The following DRC9 variants were observed in gnomAD, a reference collection of about 807,000 sequenced individuals.
DRC9 encodes dynein regulatory complex protein 9.
chr3:197,898,033 G>A, the DRC9 span, among the ~76,000 whole-genome samples: 13,756 of 150,136 alleles, frequency 0.092, 696 homozygotes, highest in South Asian at 0.11. Flanking sequence ...CACCTGCCTC[G>A]GCCTCCCAAA....
the DRC9 span, among the ~76,000 whole-genome samples, chr3:197,937,696 T>A: frequency 6.6e-6 from 1 of 152,046 alleles, no homozygotes; most frequent in Non-Finnish European, 1.5e-5. Flanking sequence ...GCCAGGCTGG[T>A]CTTGAACTCC....
chr3:197,913,833 A>T, the DRC9 span: 1 of 1,575,308 alleles, frequency 6.3e-7, no homozygotes. Context: ...CAGGAGTGAC[A>T]GCTCAATTGC....
chr3:197,946,883 C>T, the DRC9 span, among the ~76,000 whole-genome samples: 3 of 152,064 alleles, frequency 2.0e-5, no homozygotes, highest in Admixed American at 6.6e-5. Flanking sequence ...AGTACGATGG[C>T]GCGATCTTGG....
At chr3:197,892,099 A>G in the DRC9 span, among the ~76,000 whole-genome samples, 23 of 152,248 alleles carry the variant, frequency 1.5e-4, no homozygotes, top group Non-Finnish European at 3.1e-4. Flanking sequence ...CATGTTACCC[A>G]GGCTGGTCTC....
At chr3:197,930,821 G>T in the DRC9 span, among the ~76,000 whole-genome samples, 1 of 151,346 alleles carries the variant, frequency 6.6e-6, no homozygotes, top group African/African-American at 2.4e-5. Context: ...GGATTACGAG[G>T]TCAAGAGATC....
the DRC9 span, among the ~76,000 whole-genome samples, chr3:197,896,305 T>C: frequency 1.2e-4 from 18 of 151,784 alleles, no homozygotes; most frequent in African/African-American, 4.4e-4. Context: ...ATCGCACCAT[T>C]GCACTCCAGC....
the DRC9 span, among the ~76,000 whole-genome samples, chr3:197,904,089 T>TATATATATATACATAC: frequency 1.6e-4 from 4 of 24,862 alleles, no homozygotes; most frequent in South Asian, 1.4e-3. Context: ...TATACATACA[T>TATATATATATACATAC]ATATATATAT....
At chr3:197,924,849 A>C in the DRC9 span, among the ~76,000 whole-genome samples, 2 of 152,166 alleles carry the variant, frequency 1.3e-5, no homozygotes, top group Non-Finnish European at 2.9e-5. Flanking sequence ...TGCTCCTAGA[A>C]AAGTTGTCAG....
At chr3:197,895,733 T>C in the DRC9 span, among the ~76,000 whole-genome samples, 1 of 151,996 alleles carries the variant, frequency 6.6e-6, no homozygotes, top group African/African-American at 2.4e-5. Flanking sequence ...GCCAGCACTT[T>C]GGGAGGCCGA....
At chr3:197,891,545 T>A in the DRC9 span, 20 of 1,550,094 alleles carry the variant, frequency 1.3e-5, no homozygotes, top group Middle Eastern at 1.7e-4. Flanking sequence ...CATACTCTCT[T>A]ATCTGCAAAG....
chr3:197,900,206 C>T, the DRC9 span, among the ~76,000 whole-genome samples: 3 of 152,176 alleles, frequency 2.0e-5, no homozygotes, highest in Non-Finnish European at 2.9e-5. The surrounding 1 kb of genome is among the most constrained non-coding windows in gnomAD (Gnocchi z 4.7). Context: ...AGGAGGACTA[C>T]GACCCTCTAC....
the DRC9 span, among the ~76,000 whole-genome samples, chr3:197,892,274 C>G: frequency 1.3e-5 from 2 of 152,206 alleles, no homozygotes; most frequent in Non-Finnish European, 2.9e-5. Flanking sequence ...GAAATCATCA[C>G]TGACTCTCTC....
At chr3:197,942,554 A>C in the DRC9 span, among the ~76,000 whole-genome samples, 114 of 152,016 alleles carry the variant, frequency 7.5e-4, no homozygotes, top group African/African-American at 2.5e-3. Context: ...AAAACAAACA[A>C]AATGAAAAAA....
At chr3:197,916,064 T>A in the DRC9 span, 3 of 152,298 alleles carry the variant, frequency 2.0e-5, no homozygotes, top group African/African-American at 7.2e-5. Context: ...CAGCTCACTA[T>A]AACCTCCAAT....
At chr3:197,939,778 G>T in the DRC9 span, among the ~76,000 whole-genome samples, 1 of 151,350 alleles carries the variant, frequency 6.6e-6, no homozygotes. Context: ...TTGCTCCGCC[G>T]CCCAGGCTGG....
chr3:197,889,860 C>T, the DRC9 span: 7 of 880,666 alleles, frequency 7.9e-6, no homozygotes, highest in Non-Finnish European at 1.1e-5. Flanking sequence ...CACGTAATCA[C>T]TTCAGCGATG....
the DRC9 span, chr3:197,912,527 A>G: frequency 4.5e-6 from 3 of 673,478 alleles, no homozygotes; most frequent in Non-Finnish European, 7.9e-6. Context: ...ATCTATTCAG[A>G]TGCATAACCC....
At chr3:197,953,640 C>T in the DRC9 span, 1 of 442,104 alleles carries the variant, frequency 2.3e-6, no homozygotes, top group Admixed American at 2.6e-5. Context: ...TGAGACCTTC[C>T]TTGGCTATTT....
chr3:197,923,560 T>A, the DRC9 span, among the ~76,000 whole-genome samples: 2 of 151,932 alleles, frequency 1.3e-5, no homozygotes, highest in Non-Finnish European at 2.9e-5. Context: ...TGAAACCCTG[T>A]CTGTATCAAA....
Sources: gnomAD v4.1 joint callset for allele counts (sites outside exome capture counted in the v4.1 genomes callset) on GRCh38, gnomAD v4.1.1 for gene constraint, Gnocchi (gnomAD v3.1) non-coding constraint, MANE v1.5 for transcripts, NCBI Gene and HGNC (gene_info 2026-07-23, HGNC 2026-07-21) for gene names.